MTA1: variants seen among roughly 807,000 people sequenced by gnomAD.
MTA1 encodes the protein metastasis-associated protein MTA1.
Under a neutral mutation model 97.0 loss-of-function variants are expected in MTA1, and 15 were observed. That is an observed-to-expected ratio of 0.15 (90% confidence interval 0.10 to 0.24). MTA1 has a LOEUF of 0.24. Among genes scored for constraint, MTA1 ranks in the 10% least tolerant of loss-of-function variants. The probability of loss-of-function intolerance (pLI) is 1.00; values close to 1 mark genes in which losing one functional copy is unlikely to be tolerated. For synonymous variants in MTA1, 435 were observed against 417.5 expected (o/e 1.04, Z -0.51); for missense variants, 709 against 1,015.1 (o/e 0.70, Z 4.10).
At chr14:105,462,100 A>G (rs10150560) in intron 10 of MTA1, among the ~76,000 whole-genome samples, 35 of 5,418 alleles carry the variant, frequency 6.5e-3, no homozygotes, top group African/African-American at 0.021. Context: ...CTGCGGGGCC[A>G]TGCCCAGGCA....
chr14:105,454,156 G>C (rs2083054097), intron 6 of MTA1, 37 bp from the exon 7 acceptor site: 5 of 1,527,842 alleles, frequency 3.3e-6, no homozygotes, highest in Non-Finnish European at 2.7e-6. Flanking sequence ...CAGCCTGACT[G>C]TGCTGACGCC....
chr14:105,441,729 GC>G (rs1295391075), intron 2 of MTA1, among the ~76,000 whole-genome samples: 1 of 152,174 alleles, frequency 6.6e-6, no homozygotes, highest in Non-Finnish European at 1.5e-5. Context: ...GGGAGGTGGA[GC>G]TTGCAGTGAG....
intron 2 of MTA1, among the ~76,000 whole-genome samples, chr14:105,441,843 G>A (rs1175364499): frequency 1.3e-5 from 2 of 152,128 alleles, no homozygotes; most frequent in East Asian, 1.9e-4. Context: ...CCAGTGCAGG[G>A]AACAGAAGGA....
chr14:105,441,303 G>A (rs977190969), intron 2 of MTA1, among the ~76,000 whole-genome samples: 2 of 152,134 alleles, frequency 1.3e-5, no homozygotes, highest in African/African-American at 4.8e-5. Flanking sequence ...GGACCCTAGC[G>A]GCCAGACTTC....
In MTA1 at chr14:105,460,887, G is replaced by A; in HGVS notation, c.876G>A (p.Glu292=). 2 of 1,613,078 alleles carry A rather than the reference G, an allele frequency of 1.2e-6. No homozygotes were observed. The highest frequency in any genetic ancestry group is 1.7e-6 in the Non-Finnish European group (2 of 1,179,754). The change falls in exon 10 of 21, where the codon GAG becomes GAA. Residue 292 remains glutamate (E), a synonymous_variant. Transcript: ENST00000331320. Reference sequence around the variant, plus strand: ...AGATGGAGGAGTGGTCTGCATCAGAGGCCAACCTTTTCGAGGAAGCCCTGG... The same window carrying A: ...AGATGGAGGAGTGGTCTGCATCAGAAGCCAACCTTTTCGAGGAAGCCCTGG... ...RDEMEEWSAS[E]ANLFEEALEK...
rs587653301 is a variant in MTA1, at chr14:105,469,309, A to G, written c.1814-158A>G. ...AGGCGGCCCAGGACCCGGGGATGCG[A>G]GGCCCCACGTCCCCCAGGCCCATCC... On this transcript the variant is annotated intron_variant, in intron 18 of 20. Transcript: ENST00000331320. 2.8e-4 allele frequency: 212 copies of G among 761,808 alleles called. No individual in the cohort carries two copies. In the African/African-American group the frequency reaches 3.4e-3, roughly 12 times the overall value. The allele number at this position is 761,808 out of a possible 1,614,324, so 47.2% of individuals were successfully genotyped here.
chr14:105,451,182 G>A (rs917035481), intron 6 of MTA1, among the ~76,000 whole-genome samples: 23 of 152,190 alleles, frequency 1.5e-4, no homozygotes, highest in African/African-American at 5.3e-4. Flanking sequence ...CGTGGCCATC[G>A]GCGCTCTGGC....
At position 105,470,358 on chromosome 14, in the gene MTA1, T is replaced by C. The variant is rs1431145787; in HGVS notation, c.*143T>C. The C allele has an allele frequency of 1.4e-5, 9 of 644,740 alleles. No homozygotes were observed. The highest frequency in any genetic ancestry group is 1.9e-5 in the Non-Finnish European group (8 of 424,244). 39.9% of individuals were successfully genotyped at this position (644,740 alleles called of 1,614,324 possible). A position where few individuals can be genotyped will look rare whatever the true frequency, so the allele number is the denominator to read the frequency against. On this transcript the variant is annotated 3_prime_UTR_variant, in exon 21 of 21. Coordinates refer to ENST00000331320, the MANE Select transcript of MTA1 (RefSeq NM_004689.4). ...GAGAAACGCGCTCCTTGGCGGACAC[T>C]GGGGGAGGAGAGGAAGAAGCGCGGC...
intron 1 of MTA1, among the ~76,000 whole-genome samples, chr14:105,425,761 A>G (rs1404783034): frequency 6.7e-6 from 1 of 149,566 alleles, no homozygotes; most frequent in Admixed American, 6.7e-5. Context: ...CGATGGAGCC[A>G]AGCCCAGGGA....
intron 1 of MTA1, among the ~76,000 whole-genome samples, chr14:105,430,308 G>A (rs2082140849): frequency 6.6e-6 from 1 of 152,100 alleles, no homozygotes; most frequent in Admixed American, 6.6e-5. Context: ...GTGTCTCAGG[G>A]AATAGAGAGG....
chr14:105,452,123 G>A (rs2082967817), intron 6 of MTA1, among the ~76,000 whole-genome samples: 1 of 152,174 alleles, frequency 6.6e-6, no homozygotes, highest in Admixed American at 6.5e-5. Flanking sequence ...TGGGGTTTCT[G>A]AACAGCCCCA....
intron 3 of MTA1, among the ~76,000 whole-genome samples, chr14:105,448,057 C>T (rs1015055480): frequency 1.2e-4 from 18 of 152,150 alleles, no homozygotes; most frequent in African/African-American, 4.3e-4. Context: ...GGCAGAGAAG[C>T]CCTCCCCCCG....
At chr14:105,462,542 C>T (rs777530842) in intron 10 of MTA1, among the ~76,000 whole-genome samples, 11 of 151,428 alleles carry the variant, frequency 7.3e-5, no homozygotes, top group Non-Finnish European at 1.5e-4. Context: ...TGCACTCCAG[C>T]CTGGGCGACA....
At chr14:105,456,449 G>A (rs2083156150) in intron 7 of MTA1, among the ~76,000 whole-genome samples, 2 of 152,190 alleles carry the variant, frequency 1.3e-5, no homozygotes. Flanking sequence ...CCAGCCGCAG[G>A]AGCCGGCCTC....
Position 105,464,801 on chromosome 14 carries a change from G to T in MTA1, c.1472G>T (p.Arg491Leu). ...IARRLCREIL[R>L]PWHAARHPYL... ...CGGCGCCTGTGCCGTGAGATCCTGC[G>T]CCCGTGGCACGCTGCGCGGCACCCC... The change falls in exon 15 of 21, where the codon CGC (arginine) becomes CTC (leucine). Residue 491 changes from arginine (R) to leucine (L), a missense_variant. Coordinates refer to ENST00000331320, the MANE Select transcript of MTA1 (RefSeq NM_004689.4). 6.2e-7 allele frequency: 1 copy of T among 1,604,928 alleles called. No individual in the cohort carries two copies.
At chr14:105,448,016 G>A (rs2082777518) in intron 3 of MTA1, among the ~76,000 whole-genome samples, 1 of 152,138 alleles carries the variant, frequency 6.6e-6, no homozygotes, top group African/African-American at 2.4e-5. Flanking sequence ...GTGGAGGGTA[G>A]ACACCCGCCA....
intron 19 of MTA1, 170 bp downstream of exon 19, chr14:105,469,668 A>C: frequency 8.3e-7 from 1 of 1,205,662 alleles, no homozygotes; most frequent in East Asian, 2.6e-5. Flanking sequence ...TGCCAGGCCC[A>C]GCGGTGTGCG....
At chr14:105,467,345 T>C (rs1301661418) in intron 18 of MTA1, among the ~76,000 whole-genome samples, 5 of 152,066 alleles carry the variant, frequency 3.3e-5, no homozygotes, top group Non-Finnish European at 5.9e-5. Flanking sequence ...AGTGTGGATG[T>C]GCCTGGAGCC....
rs1476927330 is a variant in MTA1 at position 105,419,909 on chromosome 14, G to GGCAGCA, written c.-124_-119dup. The GGCAGCA allele has an allele frequency of 4.0e-5, 10 of 248,352 alleles. No individual in the cohort carries two copies. In the South Asian group the frequency reaches 9.3e-4, roughly 23 times the overall value. 15.4% of individuals were successfully genotyped at this position (248,352 alleles called of 1,614,324 possible). ...CGGCGGCGGCGGCGGCGGCGGCGGCGGCAGCAGCGCGGCCCCTTTAAACGC... is the reference window on the plus strand; with the variant it reads ...CGGCGGCGGCGGCGGCGGCGGCGGCGGCAGCAGCAGCAGCGCGGCCCCTTTAAACGC... On this transcript the variant is annotated 5_prime_UTR_variant, in exon 1 of 21. Coordinates refer to ENST00000331320, the MANE Select transcript of MTA1 (RefSeq NM_004689.4).
Sources: gnomAD v4.1 joint callset for allele counts (sites outside exome capture counted in the v4.1 genomes callset) on GRCh38, gnomAD v4.1.1 for gene constraint, MANE v1.5 for transcripts, NCBI Gene and HGNC (gene_info 2026-07-23, HGNC 2026-07-21) for gene names.